SRGAP1: variants seen among roughly 807,000 people sequenced by gnomAD.
The protein encoded by SRGAP1 is SLIT-ROBO Rho GTPase activating protein 1.
A neutral mutation model predicts 121.9 loss-of-function variants in SRGAP1; 43 were observed. That is an observed-to-expected ratio of 0.35 (90% CI 0.28 to 0.46). SRGAP1 has a LOEUF of 0.46. SRGAP1 is among the 20% of genes least tolerant of loss of function. The pLI is 1.00. For missense variants in SRGAP1, 1,102 were observed against 1,350.9 expected, an observed-to-expected ratio of 0.82 and a Z score of 2.89; for synonymous variants, 447 against 485.4, an observed-to-expected ratio of 0.92 and a Z score of 1.04.
intron 1 of SRGAP1, among the ~76,000 whole-genome samples, chr12:63,962,794 CGTGGCTATTCAGGGTTTGAAAG>C (rs1370958252): frequency 2.0e-5 from 3 of 152,122 alleles, no homozygotes; most frequent in Non-Finnish European, 2.9e-5. Context: ...ACTGGCCCTT[CGTGGCTATTCAGGGTTTGAAAG>C]GTGGCTAATC....
intron 1 of SRGAP1, among the ~76,000 whole-genome samples, chr12:63,949,563 G>A (rs538250241): frequency 6.6e-6 from 1 of 151,784 alleles, no homozygotes; most frequent in East Asian, 1.9e-4. Flanking sequence ...GAGTAGCTGG[G>A]ACTACAGGCG....
intron 1 of SRGAP1, among the ~76,000 whole-genome samples, chr12:63,903,889 T>C (rs753568378): frequency 1.3e-5 from 2 of 152,170 alleles, no homozygotes; most frequent in Non-Finnish European, 2.9e-5. Flanking sequence ...CGCCTCGGCC[T>C]CCCAAATTGC....
chr12:64,117,051 G>C (rs913416916), intron 18 of SRGAP1, among the ~76,000 whole-genome samples: 1 of 152,214 alleles, frequency 6.6e-6, no homozygotes, highest in Non-Finnish European at 1.5e-5. Flanking sequence ...GGGGTGCCGA[G>C]AATAGGGCAG....
intron 3 of SRGAP1, among the ~76,000 whole-genome samples, chr12:64,008,533 G>T (rs907048698): frequency 6.6e-5 from 10 of 152,144 alleles, no homozygotes; most frequent in African/African-American, 2.4e-4. Flanking sequence ...TATTTAAAAA[G>T]TATGGGTATA....
intron 1 of SRGAP1, among the ~76,000 whole-genome samples, chr12:63,895,667 T>A (rs1460328936): frequency 6.6e-6 from 1 of 152,194 alleles, no homozygotes; most frequent in Non-Finnish European, 1.5e-5. Context: ...CCTAGTAACC[T>A]CCCATTTCCT....
chr12:63,906,084 G>C (rs2136311478), intron 1 of SRGAP1, among the ~76,000 whole-genome samples: 1 of 152,076 alleles, frequency 6.6e-6, no homozygotes, highest in African/African-American at 2.4e-5. Flanking sequence ...ATGGTCTACT[G>C]CCTGTCTCTA....
intron 1 of SRGAP1, among the ~76,000 whole-genome samples, chr12:63,858,348 G>C (rs1592888237): frequency 6.6e-6 from 1 of 151,744 alleles, no homozygotes; most frequent in East Asian, 1.9e-4. Flanking sequence ...GGAGGGTGGG[G>C]AGATGGGGCT....
At position 64,063,038 on chromosome 12, in the gene SRGAP1, A is replaced by T. The variant is rs1407652673; in HGVS notation, c.923A>T (p.Asn308Ile). 6.2e-7 allele frequency: 1 copy of T among 1,614,132 alleles called. No individual in the cohort carries two copies. The highest frequency in any genetic ancestry group is 1.1e-5 in the South Asian group (1 of 91,080). Reference sequence around the variant, plus strand: ...GACATTATTGAGAATGCAGTTGATAATTTAGAGCCCAGGAGCGATAAGCAG... The same window carrying T: ...GACATTATTGAGAATGCAGTTGATATTTTAGAGCCCAGGAGCGATAAGCAG... Reference protein sequence around the residue: ...GLDIIENAVDNLEPRSDKQRF... With the variant: ...GLDIIENAVDILEPRSDKQRF... Residue 308 changes from asparagine (N) to isoleucine (I), a missense_variant, in exon 7 of 22, where the codon AAT becomes ATT. Transcript: ENST00000355086.
intron 1 of SRGAP1, among the ~76,000 whole-genome samples, chr12:63,848,215 A>G (rs11175184): frequency 0.29 from 43,317 of 151,592 alleles, 7,178 homozygotes; most frequent in East Asian, 0.55. Context: ...CATGTTGGCC[A>G]GGCTGGTCTC....
chr12:63,866,660 ATAGT>A (rs942223241), intron 1 of SRGAP1, among the ~76,000 whole-genome samples: 6 of 151,974 alleles, frequency 3.9e-5, no homozygotes, highest in Middle Eastern at 3.2e-3. Context: ...TATATTTATA[ATAGT>A]TAATCTATTT....
chr12:63,898,136 G>A (rs61937066), intron 1 of SRGAP1, among the ~76,000 whole-genome samples: 7,323 of 152,314 alleles, frequency 0.048, 272 homozygotes, highest in Middle Eastern at 0.14. Flanking sequence ...GCTAATGTTG[G>A]TCTTTCAAAG....
chr12:64,024,761 G>A (rs993625986), intron 4 of SRGAP1, among the ~76,000 whole-genome samples: 1 of 152,204 alleles, frequency 6.6e-6, no homozygotes, highest in African/African-American at 2.4e-5. Context: ...AGTCATGGCA[G>A]AAGGCACCTC....
At chr12:64,047,188 T>G (rs569047679) in intron 6 of SRGAP1, among the ~76,000 whole-genome samples, 20 of 152,352 alleles carry the variant, frequency 1.3e-4, no homozygotes, top group African/African-American at 4.1e-4. Context: ...GAAGTTGGTT[T>G]GTTGTATATT....
intron 4 of SRGAP1, among the ~76,000 whole-genome samples, chr12:64,023,673 CAGCT>C (rs768913700): frequency 6.6e-6 from 1 of 152,184 alleles, no homozygotes. Flanking sequence ...GCAGCACACA[CAGCT>C]AGCCAGAGTC....
chr12:63,876,348 T>C (rs1165552382), intron 1 of SRGAP1, among the ~76,000 whole-genome samples: 1 of 152,180 alleles, frequency 6.6e-6, no homozygotes, highest in Non-Finnish European at 1.5e-5. Context: ...TCAGGGAGCT[T>C]AATGCAATCA....
intron 4 of SRGAP1, among the ~76,000 whole-genome samples, chr12:64,035,152 T>G (rs1157167226): frequency 6.6e-6 from 1 of 152,110 alleles, no homozygotes; most frequent in Non-Finnish European, 1.5e-5. Flanking sequence ...ACATCCATTG[T>G]AGGTGTATGT....
chr12:64,067,427 TTAAAA>T (rs2035560704), intron 8 of SRGAP1, among the ~76,000 whole-genome samples: 1 of 152,028 alleles, frequency 6.6e-6, no homozygotes, highest in Admixed American at 6.6e-5. Flanking sequence ...TATTAATTAA[TTAAAA>T]TAAATTTTTA....
At chr12:63,852,196 C>T (rs1018418851) in intron 1 of SRGAP1, among the ~76,000 whole-genome samples, 1 of 152,040 alleles carries the variant, frequency 6.6e-6, no homozygotes, top group African/African-American at 2.4e-5. Context: ...GCCATGTTGC[C>T]CAGGCTGGTT....
intron 8 of SRGAP1, among the ~76,000 whole-genome samples, chr12:64,070,847 T>C (rs1490565256): frequency 6.6e-6 from 1 of 152,226 alleles, no homozygotes; most frequent in Admixed American, 6.5e-5. Context: ...AAATTTCTTA[T>C]AGTACCAGTG....
Sources: gnomAD v4.1 joint callset for allele counts (sites outside exome capture counted in the v4.1 genomes callset) on GRCh38, gnomAD v4.1.1 for gene constraint, MANE v1.5 for transcripts, NCBI Gene and HGNC (gene_info 2026-07-23, HGNC 2026-07-21) for gene names.